Variants in ABI3BP observed in about 807,000 individuals in gnomAD.
The protein encoded by ABI3BP is target of Nesh-SH3.
A neutral mutation model predicts 268.6 loss-of-function variants in ABI3BP; 216 were observed. The observed-to-expected ratio is 0.80, with a 90% CI of 0.72 to 0.90. ABI3BP has a LOEUF of 0.90. Among genes scored for constraint, ABI3BP ranks in the 40% least tolerant of loss-of-function variants. ABI3BP has a pLI of 0.00. For missense variants in ABI3BP, 2,090 were observed against 2,182.4 expected (o/e 0.96, Z 0.84); for synonymous variants, 730 against 730.0 (o/e 1.00, Z 0.00).
At position 100,879,163 on chromosome 3, in the gene ABI3BP, C is replaced by A. The variant is rs1299402353; in HGVS notation, c.697-2603G>T. Among the ~76,000 whole-genome samples the A allele has an allele frequency of 2.6e-5, 4 of 152,236 alleles. No individual in the cohort carries two copies. The East Asian group carries it at 7.7e-4, about 29-fold the overall frequency. On this transcript the variant is annotated intron_variant, in intron 6 of 67. Coordinates refer to ENST00000471714, the MANE Select transcript of ABI3BP (RefSeq NM_001375547.2). ...CCTACCCGTTGTCAATATCTCCTCACTGCCCCCTTGCCCCTCACCCCCTGG... is the reference window on the plus strand; with the variant it reads ...CCTACCCGTTGTCAATATCTCCTCAATGCCCCCTTGCCCCTCACCCCCTGG...
chr3:100,864,798 GT>G (rs748483681), intron 11 of ABI3BP, 34 bp downstream of exon 11: 4 of 1,481,396 alleles, frequency 2.7e-6, no homozygotes, highest in South Asian at 2.5e-5. Context: ...TGTTACTTTT[GT>G]TTTTTTAGAA....
At chr3:100,925,361 T>A (rs2061498457) in intron 2 of ABI3BP, among the ~76,000 whole-genome samples, 1 of 152,096 alleles carries the variant, frequency 6.6e-6, no homozygotes. Context: ...TATTAGACTA[T>A]CCAGAAAGCC....
chr3:100,862,323 G>A lies in ABI3BP; in HGVS notation c.1273C>T (p.Gln425Ter). Residue 425 changes from glutamine to a stop codon, truncating the protein, a stop_gained, in exon 14 of 68, where the codon CAG (glutamine) becomes TAG (stop). Coordinates refer to ENST00000471714, the MANE Select transcript of ABI3BP (RefSeq NM_001375547.2). LOFTEE classifies it high-confidence loss of function. ...AKISEDSKVL[Q>*]PQTATYDVFS... The stretch of plus-strand genomic sequence containing the variant: ...AGGATTTAATTACCAGTTTGAGGCT[G>A]CAGAACTTTGGAATCTTCAGATATT... 1 of 1,600,922 alleles carries A rather than the reference G, an allele frequency of 6.2e-7. No individual in the cohort carries two copies. Among genetic ancestry groups the A allele is most frequent in the Non-Finnish European group, 8.5e-7 (1 of 1,173,698 alleles).
intron 1 of ABI3BP, among the ~76,000 whole-genome samples, chr3:100,943,481 C>G (rs1252780734): frequency 1.3e-5 from 2 of 152,068 alleles, no homozygotes; most frequent in Non-Finnish European, 2.9e-5. Context: ...TGCCATACAT[C>G]TGTGTAACCC....
At chr3:100,858,504 G>C (rs1056254047) in intron 14 of ABI3BP, among the ~76,000 whole-genome samples, 1 of 152,184 alleles carries the variant, frequency 6.6e-6, no homozygotes, top group Non-Finnish European at 1.5e-5. Flanking sequence ...AATTTTCATA[G>C]AGTCTTTTAT....
intron 54 of ABI3BP, among the ~76,000 whole-genome samples, chr3:100,793,031 C>A (rs1175325066): frequency 2.0e-5 from 3 of 151,758 alleles, no homozygotes; most frequent in African/African-American, 7.3e-5. Context: ...TATCATTAAT[C>A]TAGTTGTGGC....
At chr3:100,943,591 C>T (rs1054403537) in intron 1 of ABI3BP, among the ~76,000 whole-genome samples, 4 of 152,014 alleles carry the variant, frequency 2.6e-5, no homozygotes, top group African/African-American at 9.7e-5. Context: ...GACTATTGTT[C>T]TTAATTTTAC....
chr3:100,953,326 C>A (rs749687398), intron 1 of ABI3BP, among the ~76,000 whole-genome samples: 4 of 152,126 alleles, frequency 2.6e-5, no homozygotes, highest in Non-Finnish European at 2.9e-5. Flanking sequence ...AAAAACAGCA[C>A]GTGACTCCTT....
At chr3:100,927,890 G>A (rs911944564) in intron 1 of ABI3BP, among the ~76,000 whole-genome samples, 1 of 151,554 alleles carries the variant, frequency 6.6e-6, no homozygotes, top group Non-Finnish European at 1.5e-5. Context: ...ACTAATACAG[G>A]TCCACAGTTC....
At chr3:100,850,821 T>G (rs2098829268) in intron 15 of ABI3BP, 87 bp from the exon 16 acceptor site, 7 of 1,003,412 alleles carry the variant, frequency 7.0e-6, no homozygotes, top group Non-Finnish European at 7.7e-6. Context: ...TTATGCCTCA[T>G]ATGAGGAAAA....
intron 40 of ABI3BP, 58 bp downstream of exon 40, chr3:100,820,162 G>C (rs1352381716): frequency 1.4e-6 from 2 of 1,409,838 alleles, no homozygotes; most frequent in African/African-American, 2.8e-5. Flanking sequence ...ATTGGCATCA[G>C]TTATAAATTC....
chr3:100,913,141 C>A (rs1423652778), intron 2 of ABI3BP, among the ~76,000 whole-genome samples: 1 of 152,160 alleles, frequency 6.6e-6, no homozygotes, highest in African/African-American at 2.4e-5. Flanking sequence ...CTCCACCCAC[C>A]CCACCCATTG....
At position 100,789,491 on chromosome 3, in the gene ABI3BP, C is replaced by T; in HGVS notation, c.4050G>A (p.Val1350=). Residue 1350 remains valine (V), a synonymous_variant, in exon 56 of 68, where the codon GTG becomes GTA. Coordinates refer to ENST00000471714, the MANE Select transcript of ABI3BP (RefSeq NM_001375547.2). The part of the protein sequence containing the change: ...TQAPHRFYTT[V]RPRTSDKPHI... ...GTGGCTTGTCAGATGTTCTGGGCCT[C>T]ACAGTAGTATAAAATCTGTGTGGCG... 1 of 1,599,164 alleles carries T rather than the reference C, an allele frequency of 6.3e-7. No homozygotes were observed. Among genetic ancestry groups the T allele is most frequent in the Non-Finnish European group, 8.5e-7 (1 of 1,172,350 alleles).
chr3:100,941,990 T>C (rs2069501217), intron 1 of ABI3BP, among the ~76,000 whole-genome samples: 1 of 152,096 alleles, frequency 6.6e-6, no homozygotes, highest in Non-Finnish European at 1.5e-5. Flanking sequence ...ATATAGGTAT[T>C]TGCTGTAAAG....
intron 38 of ABI3BP, among the ~76,000 whole-genome samples, chr3:100,821,424 T>C (rs946261873): frequency 2.0e-5 from 3 of 152,008 alleles, no homozygotes; most frequent in Non-Finnish European, 4.4e-5. Context: ...TTGAGTAGGA[T>C]ATTCCTCCAT....
chr3:100,812,334 C>A (rs1226558644), intron 46 of ABI3BP, 133 bp downstream of exon 46: 3 of 479,624 alleles, frequency 6.3e-6, no homozygotes, highest in Non-Finnish European at 1.0e-5. Flanking sequence ...TCAAGACCCA[C>A]TGGATGAGCA....
rs116811406 is a variant in ABI3BP at position 100,772,301 on chromosome 3, T to G, written c.4532-1349A>C. ...GACAGAAATATGGAGCCACACAAAG[T>G]GATGAAAAGCGCAGTGACAGTAAAC... On this transcript the variant is annotated intron_variant, in intron 61 of 67. Coordinates refer to ENST00000471714, the MANE Select transcript of ABI3BP (RefSeq NM_001375547.2). 3.4e-3 allele frequency among the ~76,000 whole-genome samples: 519 copies of G among 152,260 alleles called. 5 individuals carry two copies. Among genetic ancestry groups the G allele is most frequent in the Non-Finnish European group, 5.0e-3 (338 of 68,000 alleles).
chr3:100,910,331 C>T (rs2055775075), intron 2 of ABI3BP, among the ~76,000 whole-genome samples: 1 of 151,942 alleles, frequency 6.6e-6, no homozygotes, highest in Non-Finnish European at 1.5e-5. Context: ...ATGAATGCAG[C>T]AAACCACCAT....
At chr3:100,824,342 C>G (rs538365128) in intron 36 of ABI3BP, among the ~76,000 whole-genome samples, 1 of 152,132 alleles carries the variant, frequency 6.6e-6, no homozygotes, top group Non-Finnish European at 1.5e-5. Flanking sequence ...CCTCAGTGGG[C>G]CCAAGGTCCA....
Sources: allele counts gnomAD v4.1 joint callset (sites outside exome capture counted in the v4.1 genomes callset), GRCh38; gene constraint gnomAD v4.1.1; transcripts MANE v1.5; gene names NCBI Gene and HGNC (gene_info 2026-07-23, HGNC 2026-07-21).